MRTFA: variants seen among roughly 807,000 people sequenced by gnomAD.
The protein encoded by MRTFA is myocardin-related transcription factor A.
In MRTFA, 20 loss-of-function variants were observed where a neutral mutation model predicts 83.5. The observed-to-expected ratio is 0.24, with a 90% CI of 0.17 to 0.35. MRTFA has a LOEUF of 0.35. Among genes scored for constraint, MRTFA ranks in the 10% least tolerant of loss-of-function variants. MRTFA has a pLI of 1.00. For synonymous variants in MRTFA, 659 were observed against 541.2 expected, an observed-to-expected ratio of 1.22 and a Z score of -3.02; for missense variants, 1,200 against 1,224.7, an observed-to-expected ratio of 0.98 and a Z score of 0.30.
At chr22:40,427,286 G>T (rs2052975059) in intron 7 of MRTFA, among the ~76,000 whole-genome samples, 1 of 152,162 alleles carries the variant, frequency 6.6e-6, no homozygotes, top group African/African-American at 2.4e-5. Flanking sequence ...AATTATAAGA[G>T]CTACTGTATC....
At chr22:40,491,314 C>T (rs1207969962) in intron 3 of MRTFA, among the ~76,000 whole-genome samples, 1 of 151,990 alleles carries the variant, frequency 6.6e-6, no homozygotes, top group Non-Finnish European at 1.5e-5. Flanking sequence ...TGTACTCCAG[C>T]CTGGGCCACA....
chr22:40,536,408 C>A (rs1228669628), intron 3 of MRTFA, among the ~76,000 whole-genome samples: 1 of 150,514 alleles, frequency 6.6e-6, no homozygotes, highest in Non-Finnish European at 1.5e-5. Flanking sequence ...CCGGCGAGCG[C>A]CGCCCGGGAG....
At chr22:40,629,669 G>A (rs1206472745) in intron 1 of MRTFA, among the ~76,000 whole-genome samples, 5 of 150,618 alleles carry the variant, frequency 3.3e-5, no homozygotes, top group East Asian at 2.0e-4. Flanking sequence ...CCAGCTACTC[G>A]GGAGGCTAAG....
intron 5 of MRTFA, among the ~76,000 whole-genome samples, chr22:40,434,487 C>A (rs923569282): frequency 1.2e-4 from 18 of 151,736 alleles, no homozygotes; most frequent in African/African-American, 4.1e-4. Context: ...TTTGGAAGGG[C>A]AAGGCAGGCA....
intron 1 of MRTFA, among the ~76,000 whole-genome samples, chr22:40,597,017 CCATGCTCT>C (rs750178449): frequency 2.0e-5 from 3 of 152,100 alleles, no homozygotes; most frequent in South Asian, 2.1e-4. Context: ...CATCTCTCCT[CCATGCTCT>C]CATGCTCTCA....
At chr22:40,613,115 T>G (rs1335051421) in intron 1 of MRTFA, among the ~76,000 whole-genome samples, 1 of 152,218 alleles carries the variant, frequency 6.6e-6, no homozygotes, top group Non-Finnish European at 1.5e-5. Flanking sequence ...TCTCTTTTGT[T>G]TTCTTTCACT....
chr22:40,587,074 C>A, intron 2 of MRTFA: 1 of 459,118 alleles, frequency 2.2e-6, no homozygotes, highest in Non-Finnish European at 4.4e-6. Context: ...AGGTTTGTCC[C>A]CAGGACTCTA....
chr22:40,576,714 A>C (rs1379618814), intron 2 of MRTFA, among the ~76,000 whole-genome samples: 2 of 152,212 alleles, frequency 1.3e-5, no homozygotes, highest in Non-Finnish European at 2.9e-5. Flanking sequence ...TATCTTTAAA[A>C]ATACAAAACA....
intron 10 of MRTFA, 54 bp downstream of exon 10, chr22:40,420,793 G>T (rs2052818421): frequency 1.2e-6 from 2 of 1,604,442 alleles, no homozygotes; most frequent in Non-Finnish European, 1.7e-6. Flanking sequence ...GCACCTGCCT[G>T]GCTCAGGGTG....
chr22:40,584,462 C>T (rs750382291), intron 2 of MRTFA, among the ~76,000 whole-genome samples: 58 of 152,190 alleles, frequency 3.8e-4, no homozygotes, highest in Non-Finnish European at 6.0e-4. Context: ...CTCAGGCAGG[C>T]GTGGTGGCTT....
chr22:40,471,529 T>G (rs902537144), intron 3 of MRTFA, among the ~76,000 whole-genome samples: 2 of 152,206 alleles, frequency 1.3e-5, no homozygotes, highest in African/African-American at 4.8e-5. Flanking sequence ...AATAGTAATC[T>G]TCCCACAAAG....
intron 1 of MRTFA, among the ~76,000 whole-genome samples, chr22:40,595,150 T>G (rs1249766982): frequency 1.4e-5 from 2 of 144,030 alleles, no homozygotes; most frequent in African/African-American, 5.1e-5. Context: ...ACAAGGAGTC[T>G]CGCTCTGTCG....
Position 40,411,748 on chromosome 22 carries a change from C to G in MRTFA, c.2738G>C (p.Arg913Pro). 3.9e-6 allele frequency: 6 copies of G among 1,546,084 alleles called. No individual in the cohort carries two copies. Among genetic ancestry groups the G allele is most frequent in the Non-Finnish European group, 5.3e-6 (6 of 1,139,654 alleles). Residue 913 changes from arginine to proline, a missense_variant, in exon 15 of 15, where the codon CGC (arginine) becomes CCC (proline). By Grantham distance (103) the Arg-to-Pro change is moderately radical. This residue lies in a region of MRTFA where 1,107 missense variants were observed against 1,041.8 expected (regional missense o/e 1.06). Coordinates refer to ENST00000355630, the MANE Select transcript of MRTFA (RefSeq NM_020831.6). ...GCTGCTCTCCAGGAAGTCCTCCAGG[C>G]GTCCAGGGAGGGAGGGTGAGCCTGG...
At chr22:40,528,930 C>G (rs536832011) in intron 3 of MRTFA, among the ~76,000 whole-genome samples, 3 of 151,802 alleles carry the variant, frequency 2.0e-5, no homozygotes, top group African/African-American at 7.3e-5. Context: ...TTAATGTATT[C>G]CAAGACAATT....
At chr22:40,625,459 A>G (rs2056571212) in intron 1 of MRTFA, among the ~76,000 whole-genome samples, 1 of 145,574 alleles carries the variant, frequency 6.9e-6, no homozygotes, top group South Asian at 2.1e-4. Context: ...CTAAATAAAT[A>G]AATAAATAAA....
chr22:40,414,299 T>C (rs8138288), intron 14 of MRTFA, among the ~76,000 whole-genome samples: 14,779 of 152,090 alleles, frequency 0.097, 1,279 homozygotes, highest in African/African-American at 0.23. Context: ...GCCAAGATCG[T>C]GCTACTGCAC....
chr22:40,446,911 C>T (rs2053388873), intron 4 of MRTFA, among the ~76,000 whole-genome samples: 1 of 152,118 alleles, frequency 6.6e-6, no homozygotes, highest in Non-Finnish European at 1.5e-5. Flanking sequence ...TTTCGTGGAG[C>T]TTATACTTAA....
At chr22:40,591,025 C>G (rs1013954257) in intron 2 of MRTFA, among the ~76,000 whole-genome samples, 1 of 152,130 alleles carries the variant, frequency 6.6e-6, no homozygotes, top group Non-Finnish European at 1.5e-5. Flanking sequence ...GTCCCAGCTA[C>G]TCAGGAGGCT....
chr22:40,419,299 T>C lies in MRTFA; in HGVS notation c.1439A>G (p.Tyr480Cys), dbSNP rs1050999995. 7 of 1,613,836 alleles carry C rather than the reference T, an allele frequency of 4.3e-6. No individual in the cohort carries two copies. In the African/African-American group the frequency reaches 9.3e-5, roughly 22 times the overall value. Residue 480 changes from tyrosine (Y) to cysteine (C), a missense_variant, in exon 12 of 15, where the codon TAT becomes TGT. This residue lies in a region of MRTFA where 1,107 missense variants were observed against 1,041.8 expected (regional missense o/e 1.06). Transcript: ENST00000355630. The stretch of plus-strand genomic sequence containing the variant: ...TGGCACAGGGCTGATTTGGTCTTGA[T>C]AGGCTCGAAGGCGCTCAATCAGCTC...
Sources: gnomAD v4.1 joint callset for allele counts (sites outside exome capture counted in the v4.1 genomes callset) on GRCh38, gnomAD v4.1.1 for gene constraint, gnomAD v4.1.1 regional missense constraint, MANE v1.5 for transcripts, NCBI Gene and HGNC (gene_info 2026-07-23, HGNC 2026-07-21) for gene names.